The following CDKL3 variants were observed in gnomAD, a reference collection of about 807,000 sequenced individuals.
CDKL3 encodes the protein cyclin-dependent kinase-like 3.
A neutral mutation model predicts 69.3 loss-of-function variants in CDKL3; 65 were observed. The observed-to-expected ratio is 0.94, with a 90% CI of 0.77 to 1.15. CDKL3 has a LOEUF of 1.15. CDKL3 is among the 50% of genes most tolerant of loss of function. CDKL3 has a pLI of 0.00. For synonymous variants in CDKL3, 202 were observed against 221.6 expected (o/e 0.91, Z 0.79); for missense variants, 652 against 689.2 (o/e 0.95, Z 0.61).
At chr5:134,349,941 A>C (rs768378996) in intron 4 of CDKL3, among the ~76,000 whole-genome samples, 4 of 152,182 alleles carry the variant, frequency 2.6e-5, no homozygotes, top group Non-Finnish European at 5.9e-5. Flanking sequence ...TAATCCTAGC[A>C]CTTTGGGAGG....
intron 2 of CDKL3, among the ~76,000 whole-genome samples, chr5:134,364,820 C>CTTT (rs111257412): frequency 0.16 from 22,317 of 139,478 alleles, 2,123 homozygotes; most frequent in African/African-American, 0.28. Flanking sequence ...TTTTTTTTTT[C>CTTT]TTTTGAGATG....
chr5:134,293,636 A>G (rs1470157763), downstream of CDKL3, among the ~76,000 whole-genome samples: 1 of 151,856 alleles, frequency 6.6e-6, no homozygotes, highest in Non-Finnish European at 1.5e-5. Flanking sequence ...ACTCTACAAA[A>G]ATAAAATTTA....
downstream of CDKL3, among the ~76,000 whole-genome samples, chr5:134,284,993 G>T (rs193262624): frequency 3.7e-3 from 561 of 152,314 alleles, 5 homozygotes; most frequent in African/African-American, 0.012. Flanking sequence ...CGAAGATGAT[G>T]GGATTAAGAG....
intron 4 of CDKL3, among the ~76,000 whole-genome samples, chr5:134,341,624 TGCAGAC>T (rs1293902970): frequency 6.6e-6 from 1 of 152,248 alleles, no homozygotes; most frequent in Admixed American, 6.5e-5. Flanking sequence ...AAAATTGTGC[TGCAGAC>T]ACAGACACGC....
intron 12 of CDKL3, among the ~76,000 whole-genome samples, chr5:134,300,016 C>T (rs560714102): frequency 2.0e-5 from 3 of 152,070 alleles, no homozygotes; most frequent in Non-Finnish European, 2.9e-5. Flanking sequence ...AATGCATGCA[C>T]GCACATTTGA....
chr5:134,321,485 T>C (rs550317502), intron 5 of CDKL3, among the ~76,000 whole-genome samples: 3 of 152,346 alleles, frequency 2.0e-5, no homozygotes, highest in Admixed American at 1.3e-4. Context: ...GTACAGATAT[T>C]TGTAGAAGCC....
rs1772165422 is a variant in CDKL3, at chr5:134,319,483, G to A, written c.667C>T (p.His223Tyr). The change falls in exon 6 of 13, where the codon CAC becomes TAC. Residue 223 changes from histidine (H) to tyrosine (Y), a missense_variant. Coordinates refer to ENST00000265334, the MANE Select transcript of CDKL3 (RefSeq NM_001113575.2). ...IVLKVGNLSP[H>Y]LQNIFSKSPI... ...CTCTTGGAAAAGATATTCTGCAAGT[G>A]AGGTGACAAATTGCCTGAAAAGAGA... The A allele has an allele frequency of 2.0e-6, 3 of 1,529,154 alleles. No homozygotes were observed. The highest frequency in any genetic ancestry group is 2.6e-6 in the Non-Finnish European group (3 of 1,140,732). The allele number at this position is 1,529,154 out of a possible 1,614,324, so 94.7% of individuals were successfully genotyped here. A position where few individuals can be genotyped will look rare whatever the true frequency, so the allele number is the denominator to read the frequency against.
intron 4 of CDKL3, among the ~76,000 whole-genome samples, chr5:134,342,579 G>A (rs899863640): frequency 4.7e-5 from 7 of 149,286 alleles, no homozygotes; most frequent in Non-Finnish European, 8.9e-5. Flanking sequence ...CAGCCTGGGC[G>A]ACAGAGCAAG....
At chr5:134,314,869 C>T (rs556251912) in intron 6 of CDKL3, among the ~76,000 whole-genome samples, 110 of 152,000 alleles carry the variant, frequency 7.2e-4, no homozygotes, top group South Asian at 6.0e-3. Flanking sequence ...TGTTAGGTAT[C>T]GTGTGTGTGT....
rs1168374984 is a variant in CDKL3, at chr5:134,319,357, C to T, written c.792+1G>A. On this transcript the variant is annotated splice_donor_variant, in intron 6 of 12. Transcript: ENST00000265334. LOFTEE classifies it high-confidence loss of function. ...GGGGAGGAAAAAAAAAAAAAACATA[C>T]ATGAACTATATCTGCCAACAATCCA... is the stretch of plus-strand genomic sequence containing the variant. 5 of 1,494,454 alleles carry T rather than the reference C, an allele frequency of 3.3e-6. No homozygotes were observed. The highest frequency in any genetic ancestry group is 1.5e-5 in the African/African-American group (1 of 68,928). 92.6% of individuals were successfully genotyped at this position (1,494,454 alleles called of 1,614,324 possible). A position where few individuals can be genotyped will look rare whatever the true frequency, so the allele number is the denominator to read the frequency against.
Position 134,303,668 on chromosome 5 carries a change from AC to A in CDKL3, c.1621+736del, listed in dbSNP as rs112941862. On this transcript the variant is annotated intron_variant, in intron 11 of 12. Transcript: ENST00000265334. ...AAATCAGCCTGTCCAAAATGGTGGA[AC>A]CCCCCCCCCGTCTCTACTAAAAATA... Among the ~76,000 whole-genome samples the A allele has an allele frequency of 5.8e-3, 813 of 139,142 alleles. 8 individuals carry two copies. The highest frequency in any genetic ancestry group is 0.016 in the African/African-American group (619 of 38,678). The allele number at this position is 139,142 out of a possible 152,430, so 91.3% of individuals were successfully genotyped here.
chr5:134,341,248 A>G (rs1351897698), intron 4 of CDKL3, among the ~76,000 whole-genome samples: 4 of 152,348 alleles, frequency 2.6e-5, no homozygotes, highest in South Asian at 2.1e-4. Flanking sequence ...CTTAGACTGA[A>G]TGATTTCCCG....
At position 134,312,358 on chromosome 5, in the gene CDKL3, G is replaced by A. The variant is rs765585595; in HGVS notation, c.815C>T (p.Ala272Val). 1.9e-6 allele frequency: 3 copies of A among 1,593,974 alleles called. No individual in the cohort carries two copies. Among genetic ancestry groups the A allele is most frequent in the Non-Finnish European group, 2.6e-6 (3 of 1,170,744 alleles). Reference protein sequence around the residue: ...IVHACLQIDPADRISSSDLLH... With the variant: ...IVHACLQIDPVDRISSSDLLH... Reference sequence around the variant, plus strand: ...AAGATCACTAGATGATATCCTGTCAGCAGGATCAATTTGTAAACAAGCCTA... The same window carrying A: ...AAGATCACTAGATGATATCCTGTCAACAGGATCAATTTGTAAACAAGCCTA... Residue 272 changes from alanine to valine, a missense_variant, in exon 7 of 13, where the codon GCT becomes GTT. Ala to Val is a moderately conservative substitution (Grantham distance 64, BLOSUM62 0). Coordinates refer to ENST00000265334, the MANE Select transcript of CDKL3 (RefSeq NM_001113575.2).
At chr5:134,284,486 C>G (rs1407526534), downstream of CDKL3, among the ~76,000 whole-genome samples, 2 of 152,170 alleles carry the variant, frequency 1.3e-5, no homozygotes, top group South Asian at 2.1e-4. Context: ...TGATGAGGTT[C>G]CATGTCCTGC....
chr5:134,289,964 T>C (rs1286287971), intron 8 of CDKL3, among the ~76,000 whole-genome samples: 2 of 152,200 alleles, frequency 1.3e-5, no homozygotes, highest in African/African-American at 4.8e-5. Flanking sequence ...GAGTGCTTAA[T>C]AAATCCATTC....
At chr5:134,329,485 A>T (rs1428049682) in intron 4 of CDKL3, among the ~76,000 whole-genome samples, 1 of 151,242 alleles carries the variant, frequency 6.6e-6, no homozygotes, top group African/African-American at 2.4e-5. Context: ...TTATTTATTT[A>T]TTTTTTGAGA....
intron 4 of CDKL3, among the ~76,000 whole-genome samples, chr5:134,347,404 C>T (rs1752171139): frequency 6.6e-6 from 1 of 151,896 alleles, no homozygotes; most frequent in Admixed American, 6.6e-5. Flanking sequence ...TAAGTATATA[C>T]CCAAAAGAAA....
chr5:134,297,156 T>C (rs1765402738), downstream of CDKL3, among the ~76,000 whole-genome samples: 1 of 152,064 alleles, frequency 6.6e-6, no homozygotes, highest in Non-Finnish European at 1.5e-5. Context: ...TTTGCCATGT[T>C]GGTCAGGCTG....
downstream of CDKL3, among the ~76,000 whole-genome samples, chr5:134,296,502 C>T (rs534191550): frequency 1.4e-4 from 21 of 152,204 alleles, no homozygotes; most frequent in Non-Finnish European, 2.8e-4. Context: ...AATATACATC[C>T]CATGTTCACT....
Sources: gnomAD v4.1 joint callset for allele counts (sites outside exome capture counted in the v4.1 genomes callset) on GRCh38, gnomAD v4.1.1 for gene constraint, MANE v1.5 for transcripts, NCBI Gene and HGNC (gene_info 2026-07-23, HGNC 2026-07-21) for gene names.